Variants in MYCBP2 observed in about 807,000 individuals in gnomAD.
MYCBP2 encodes the protein MYC binding protein 2, also known as E3 ubiquitin-protein ligase MYCBP2.
In MYCBP2, 120 loss-of-function variants were observed where a neutral mutation model predicts 525.3. The ratio of observed to expected loss-of-function variants is 0.23; its 90% CI spans 0.20 to 0.27. The LOEUF (loss-of-function observed/expected upper bound fraction) is 0.27. Ranked by LOEUF, MYCBP2 falls within the 10% of genes least tolerant of loss-of-function variation. The probability of loss-of-function intolerance (pLI) is 1.00; values close to 1 mark genes in which losing one functional copy is unlikely to be tolerated. For missense variants in MYCBP2, 4,149 were observed against 5,657.1 expected (o/e 0.73, Z 8.55); for synonymous variants, 1,894 against 1,955.8 (o/e 0.97, Z 0.83).
At chr13:77,229,488 A>G (rs2066825105) in intron 18 of MYCBP2, among the ~76,000 whole-genome samples, 1 of 152,212 alleles carries the variant, frequency 6.6e-6, no homozygotes, top group African/African-American at 2.4e-5. Flanking sequence ...CTTTGTAAAA[A>G]TAAACTATGC....
intron 54 of MYCBP2, among the ~76,000 whole-genome samples, chr13:77,122,906 CAGT>C (rs1462453371): frequency 6.6e-6 from 1 of 152,112 alleles, no homozygotes; most frequent in Non-Finnish European, 1.5e-5. Context: ...AATATTTCAG[CAGT>C]AGAATGTTTC....
chr13:77,259,642 T>C (rs1418739270), intron 13 of MYCBP2, among the ~76,000 whole-genome samples: 1 of 152,206 alleles, frequency 6.6e-6, no homozygotes, highest in African/African-American at 2.4e-5. Flanking sequence ...ACTTAATAAT[T>C]AATTGCTATA....
At position 77,058,679 on chromosome 13, in the gene MYCBP2, G is replaced by T. The variant is rs146339409; in HGVS notation, c.13141-273C>A. Among the ~76,000 whole-genome samples, 51 of 151,874 alleles carry T rather than the reference G, an allele frequency of 3.4e-4. No homozygotes were observed. The East Asian group carries it at 9.1e-3, about 27-fold the overall frequency. Reference sequence around the variant, plus strand: ...ATTATAATTTCATATTTGTCATCATGCACAGCTATAAAGCAAAAAGTTCCT... The same window carrying T: ...ATTATAATTTCATATTTGTCATCATTCACAGCTATAAAGCAAAAAGTTCCT... On this transcript the variant is annotated intron_variant, in intron 77 of 82. Transcript: ENST00000544440. This position sits in a 1 kb window ranked among gnomAD's most constrained non-coding sequence, Gnocchi z 4.1.
chr13:77,222,495 C>T (rs1040202512), intron 20 of MYCBP2, among the ~76,000 whole-genome samples: 5 of 152,052 alleles, frequency 3.3e-5, no homozygotes, highest in African/African-American at 1.2e-4. Context: ...CCTTTTGTTG[C>T]CATTTTTTAT....
At chr13:77,270,624 T>C (rs2074737805) in intron 5 of MYCBP2, 86 bp from the exon 6 acceptor site, 7 of 1,284,254 alleles carry the variant, frequency 5.5e-6, no homozygotes, top group South Asian at 1.6e-5. Flanking sequence ...TACATCATCA[T>C]TCATAAGACA....
intron 3 of MYCBP2, among the ~76,000 whole-genome samples, chr13:77,279,409 A>T (rs561696793): frequency 6.6e-6 from 1 of 152,278 alleles, no homozygotes; most frequent in South Asian, 2.1e-4. Context: ...GTGCAAGAAA[A>T]ATCAGACTCT....
intron 20 of MYCBP2, among the ~76,000 whole-genome samples, chr13:77,221,385 A>G (rs1387803459): frequency 1.3e-5 from 2 of 152,270 alleles, no homozygotes; most frequent in Non-Finnish European, 2.9e-5. Flanking sequence ...TCATTTTAAA[A>G]GCTGACATGA....
chr13:77,064,790 A>T, intron 72 of MYCBP2, 56 bp from the exon 73 acceptor site: 2 of 1,459,582 alleles, frequency 1.4e-6, no homozygotes, highest in South Asian at 3.2e-5. Context: ...TACCATAGTA[A>T]ACTCTTTTTT....
At position 77,083,082 on chromosome 13, in the gene MYCBP2, G is replaced by A. The variant is rs1368951490; in HGVS notation, c.10986C>T (p.Asp3662=). The A allele has an allele frequency of 1.9e-6, 3 of 1,613,418 alleles. No homozygotes were observed. Among genetic ancestry groups the A allele is most frequent in the South Asian group, 2.2e-5 (2 of 91,054 alleles). Reference sequence around the variant, plus strand: ...TGCCGCTGGGGAGAGACATCATAAGGTCTGAGATGGTCTGCAGCAAGCGGT... The same window carrying A: ...TGCCGCTGGGGAGAGACATCATAAGATCTGAGATGGTCTGCAGCAAGCGGT... ...TFHRLLQTIS[D]LMMSLPSGSS... Residue 3662 remains aspartate, a synonymous_variant, in exon 63 of 83, where the codon GAC becomes GAT. Transcript: ENST00000544440.
At position 77,070,729 on chromosome 13, in the gene MYCBP2, A is replaced by T; in HGVS notation, c.11824-18T>A. On this transcript the variant is annotated intron_variant, in intron 68 of 82. Coordinates refer to ENST00000544440, the MANE Select transcript of MYCBP2 (RefSeq NM_015057.5). Reference sequence around the variant, plus strand: ...GATGTTGCCTTTACATAGAAAAAGAAAAAAAAAAAAAAGAATGAAGTGGTC... The same window carrying T: ...GATGTTGCCTTTACATAGAAAAAGATAAAAAAAAAAAAGAATGAAGTGGTC... 8.2e-7 allele frequency: 1 copy of T among 1,216,582 alleles called. No individual in the cohort carries two copies. The highest frequency in any genetic ancestry group is 1.1e-6 in the Non-Finnish European group (1 of 913,034). The allele number at this position is 1,216,582 out of a possible 1,614,324, so 75.4% of individuals were successfully genotyped here. A position where few individuals can be genotyped will look rare whatever the true frequency, so the allele number is the denominator to read the frequency against.
intron 17 of MYCBP2, among the ~76,000 whole-genome samples, chr13:77,237,291 A>T (rs1057194907): frequency 2.0e-5 from 3 of 152,194 alleles, no homozygotes; most frequent in African/African-American, 4.8e-5. Flanking sequence ...AAGATGTTGC[A>T]AATGTATATA....
In MYCBP2 at chr13:77,270,390, T is replaced by C; in HGVS notation, c.1094A>G (p.Asp365Gly). ...PLKEISVDED[D>G]QCLLQNDGFF... ...TCCATCATTCTGAAGTAGACATTGG[T>C]CATCTTCATCAACAGATATTTCTTT... is the stretch of plus-strand genomic sequence containing the variant. The change falls in exon 6 of 83, where the codon GAC becomes GGC. Residue 365 changes from aspartate to glycine, a missense_variant. Around this residue, in one of 21 missense-constraint regions of MYCBP2, gnomAD observed 262 missense variants for 419.3 expected, o/e 0.62. Transcript: ENST00000544440. The C allele has an allele frequency of 6.2e-7, 1 of 1,613,776 alleles. No homozygotes were observed. Among genetic ancestry groups the C allele is most frequent in the Non-Finnish European group, 8.5e-7 (1 of 1,179,828 alleles).
At chr13:77,166,209 T>C (rs554451361) in intron 41 of MYCBP2, 120 bp downstream of exon 41, 80 of 727,042 alleles carry the variant, frequency 1.1e-4, no homozygotes, top group African/African-American at 7.3e-4. Flanking sequence ...TCCAGATACA[T>C]AGTAGGTCTT....
chr13:77,137,028 C>T (rs959654040), intron 52 of MYCBP2, among the ~76,000 whole-genome samples: 1 of 152,148 alleles, frequency 6.6e-6, no homozygotes, highest in Non-Finnish European at 1.5e-5. Context: ...CCTAACAATA[C>T]CAGACACTCT....
At chr13:77,217,421 G>C (rs1006573868) in intron 21 of MYCBP2, among the ~76,000 whole-genome samples, 1 of 152,012 alleles carries the variant, frequency 6.6e-6, no homozygotes, top group African/African-American at 2.4e-5. Flanking sequence ...AAGGAAAAAA[G>C]AAAGTATAAT....
At chr13:77,147,699 T>C (rs2055827425) in intron 47 of MYCBP2, among the ~76,000 whole-genome samples, 1 of 152,106 alleles carries the variant, frequency 6.6e-6, no homozygotes, top group South Asian at 2.1e-4. Context: ...AGGAAATCCA[T>C]GTTTCTAGAC....
chr13:77,259,972 A>G (rs1371483294), intron 13 of MYCBP2, among the ~76,000 whole-genome samples: 1 of 152,230 alleles, frequency 6.6e-6, no homozygotes, highest in East Asian at 1.9e-4. Flanking sequence ...ATAATTCTTG[A>G]GACCCTACAA....
intron 68 of MYCBP2, among the ~76,000 whole-genome samples, chr13:77,073,102 C>G (rs2041668186): frequency 6.6e-6 from 1 of 152,116 alleles, no homozygotes; most frequent in Admixed American, 6.5e-5. Context: ...AATATTACAG[C>G]ATTTTTATTA....
At chr13:77,279,499 A>T (rs1195573004) in intron 3 of MYCBP2, among the ~76,000 whole-genome samples, 2 of 152,210 alleles carry the variant, frequency 1.3e-5, no homozygotes, top group Non-Finnish European at 2.9e-5. Context: ...ATATACCTTC[A>T]TAAGACTGAT....
Sources: allele counts gnomAD v4.1 joint callset (sites outside exome capture counted in the v4.1 genomes callset), GRCh38; gene constraint gnomAD v4.1.1; regional missense constraint gnomAD v4.1.1; non-coding constraint Gnocchi (gnomAD v3.1); transcripts MANE v1.5; gene names NCBI Gene and HGNC (gene_info 2026-07-23, HGNC 2026-07-21).